Variants in SORCS2 observed in about 807,000 individuals in gnomAD.
SORCS2 encodes the protein sortilin related VPS10 domain containing receptor 2.
SORCS2 carries 100 observed loss-of-function variants against 141.6 expected under a neutral mutation model. The observed-to-expected ratio is 0.71, with a 90% CI of 0.60 to 0.83. The LOEUF (loss-of-function observed/expected upper bound fraction) is 0.83, where lower values mean the gene tolerates loss of function less well. Ranked by LOEUF, SORCS2 falls within the 40% of genes least tolerant of loss-of-function variation. SORCS2 has a pLI of 0.00. For synonymous variants in SORCS2, 789 were observed against 676.9 expected (o/e 1.17, Z -2.57); for missense variants, 1,646 against 1,560.2 (o/e 1.05, Z -0.93).
chr4:7,482,753 G>A (rs1191474538), intron 2 of SORCS2, among the ~76,000 whole-genome samples: 6 of 101,726 alleles, frequency 5.9e-5, no homozygotes, highest in Non-Finnish European at 7.5e-5. Flanking sequence ...CACCCCTGAC[G>A]CTGTTCAGAC....
chr4:7,407,920 A>T lies in SORCS2; in HGVS notation c.548+11565A>T, dbSNP rs57340071. On this transcript the variant is annotated intron_variant, in intron 2 of 26. Transcript: ENST00000507866. ...TTATTTTAAAGTGATAATAATTTAG[A>T]TCACAAAGAAAAGAATAGAAACAAA... Among the ~76,000 whole-genome samples, 896 of 147,372 alleles carry T rather than the reference A, an allele frequency of 6.1e-3. 7 individuals carry two copies. Among genetic ancestry groups the T allele is most frequent in the African/African-American group, 0.021 (867 of 40,580 alleles).
At chr4:7,293,895 C>T (rs555593499) in intron 1 of SORCS2, among the ~76,000 whole-genome samples, 3 of 152,338 alleles carry the variant, frequency 2.0e-5, no homozygotes, top group Non-Finnish European at 2.9e-5. Context: ...TATTCCGAGG[C>T]GCTGTCCAGC....
chr4:7,553,882 T>G (rs1713911209), intron 3 of SORCS2, among the ~76,000 whole-genome samples: 1 of 152,206 alleles, frequency 6.6e-6, no homozygotes, highest in South Asian at 2.1e-4. Context: ...AGGCACAACT[T>G]CATCACATTA....
chr4:7,221,310 C>A (rs1404392952), intron 1 of SORCS2, among the ~76,000 whole-genome samples: 1 of 152,182 alleles, frequency 6.6e-6, no homozygotes, highest in African/African-American at 2.4e-5. Flanking sequence ...CATCCCGGTC[C>A]CACCAGACCC....
chr4:7,397,770 G>T (rs1162434711), intron 2 of SORCS2, among the ~76,000 whole-genome samples: 1 of 152,234 alleles, frequency 6.6e-6, no homozygotes, highest in African/African-American at 2.4e-5. Context: ...AACACTCCTG[G>T]ACAGGGCAGG....
Position 7,728,550 on chromosome 4 carries a change from G to A in SORCS2, c.2982+88G>A. On this transcript the variant is annotated intron_variant, in intron 22 of 26. Coordinates refer to ENST00000507866, the MANE Select transcript of SORCS2 (RefSeq NM_020777.3). ...AAGGGCCCCGGGGTGCTCAGGGAAAGGAGAGGCGGGTGGCACTGCCCCCGC... is the reference window on the plus strand; with the variant it reads ...AAGGGCCCCGGGGTGCTCAGGGAAAAGAGAGGCGGGTGGCACTGCCCCCGC... The A allele has an allele frequency of 3.2e-6, 3 of 928,574 alleles. No individual in the cohort carries two copies. The South Asian group carries it at 5.1e-5, about 16-fold the overall frequency. The allele number at this position is 928,574 out of a possible 1,614,324, so 57.5% of individuals were successfully genotyped here.
At chr4:7,282,606 G>T (rs1392730954) in intron 1 of SORCS2, among the ~76,000 whole-genome samples, 1 of 152,210 alleles carries the variant, frequency 6.6e-6, no homozygotes, top group Admixed American at 6.5e-5. Flanking sequence ...GTGAGCCTGG[G>T]TGGGAGCCGG....
At chr4:7,223,879 GTGCTGTTAAGGCC>G (rs1553810603) in intron 1 of SORCS2, among the ~76,000 whole-genome samples, 1 of 15,878 alleles carries the variant, frequency 6.3e-5, no homozygotes, top group East Asian at 2.3e-3. Flanking sequence ...TGGCTGTTAA[GTGCTGTTAAGGCC>G]CAGAGTCAGT....
chr4:7,486,147 C>T (rs146912375), intron 2 of SORCS2, among the ~76,000 whole-genome samples: 11 of 152,160 alleles, frequency 7.2e-5, no homozygotes, highest in African/African-American at 2.4e-4. Flanking sequence ...TGACAGGGAC[C>T]TGCAGCACCT....
intron 2 of SORCS2, among the ~76,000 whole-genome samples, chr4:7,409,598 G>T (rs955660260): frequency 6.6e-6 from 1 of 152,210 alleles, no homozygotes; most frequent in Admixed American, 6.5e-5. Flanking sequence ...AACCCAAGAT[G>T]ATGGGGAAGC....
chr4:7,552,908 G>T (rs1713821576), intron 3 of SORCS2, among the ~76,000 whole-genome samples: 1 of 152,194 alleles, frequency 6.6e-6, no homozygotes, highest in Admixed American at 6.5e-5. Flanking sequence ...ATGGATGGAA[G>T]GTTAGAAAAA....
intron 1 of SORCS2, among the ~76,000 whole-genome samples, chr4:7,356,528 C>T (rs888175469): frequency 6.6e-6 from 1 of 152,184 alleles, no homozygotes; most frequent in Non-Finnish European, 1.5e-5. Context: ...AGATCAATCT[C>T]TTCCTCCACT....
At position 7,640,397 on chromosome 4, in the gene SORCS2, AGT is replaced by A. The variant is rs375762861; in HGVS notation, c.813+1913_813+1914del. 1.4e-3 allele frequency among the ~76,000 whole-genome samples: 106 copies of A among 74,732 alleles called. 1 individual carries two copies. The highest frequency in any genetic ancestry group is 6.3e-3 in the African/African-American group (93 of 14,740). 49.0% of individuals were successfully genotyped at this position (74,732 alleles called of 152,430 possible). ...ATGTACATGAGTGTGTGGGTGTGTG[AGT>A]GTGTGTGGGTGAGTGTGTGTGATCG... On this transcript the variant is annotated intron_variant, in intron 4 of 26. Transcript: ENST00000507866.
At chr4:7,640,464 G>A (rs760158699) in intron 4 of SORCS2, among the ~76,000 whole-genome samples, 13 of 63,882 alleles carry the variant, frequency 2.0e-4, no homozygotes, top group Non-Finnish European at 3.2e-4. Context: ...GTGTATGAGC[G>A]TGTGTGTGTG....
intron 1 of SORCS2, among the ~76,000 whole-genome samples, chr4:7,215,020 C>A (rs1170036948): frequency 6.6e-6 from 1 of 152,266 alleles, no homozygotes; most frequent in African/African-American, 2.4e-5. Context: ...TGGGCTCCCA[C>A]TTTGGCGGCA....
chr4:7,510,140 T>C (rs576793754), intron 2 of SORCS2, among the ~76,000 whole-genome samples: 37 of 152,254 alleles, frequency 2.4e-4, no homozygotes, highest in Non-Finnish European at 4.0e-4. Flanking sequence ...GGTTTTGACC[T>C]GCGCGGGTTT....
At chr4:7,543,497 ATCCATCCATCCATCCATCCATCCG>A (rs1712874872) in intron 3 of SORCS2, among the ~76,000 whole-genome samples, 1 of 144,084 alleles carries the variant, frequency 6.9e-6, no homozygotes, top group African/African-American at 2.6e-5. Flanking sequence ...TCATCCATCC[ATCCATCCATCCATCCATCCATCCG>A]TCCATCCATC....
chr4:7,594,461 C>A (rs896461036), intron 3 of SORCS2, among the ~76,000 whole-genome samples: 1 of 152,204 alleles, frequency 6.6e-6, no homozygotes, highest in Non-Finnish European at 1.5e-5. Context: ...TGGCTGGAAG[C>A]CCCGGGTGGG....
At chr4:7,553,488 G>A (rs1264818377) in intron 3 of SORCS2, among the ~76,000 whole-genome samples, 1 of 152,248 alleles carries the variant, frequency 6.6e-6, no homozygotes, top group Non-Finnish European at 1.5e-5. Flanking sequence ...CAGCTAAGCT[G>A]TCATCTGCAG....
Sources: gnomAD v4.1 joint callset for allele counts (sites outside exome capture counted in the v4.1 genomes callset) on GRCh38, gnomAD v4.1.1 for gene constraint, MANE v1.5 for transcripts, NCBI Gene and HGNC (gene_info 2026-07-23, HGNC 2026-07-21) for gene names.